Variants in PTPRD observed in about 807,000 individuals in gnomAD.
The protein encoded by PTPRD is receptor-type tyrosine-protein phosphatase delta.
PTPRD carries 34 observed loss-of-function variants against 214.5 expected under a neutral mutation model. The ratio of observed to expected loss-of-function variants is 0.16; its 90% CI spans 0.12 to 0.21. The LOEUF is 0.21. Ranked by LOEUF, PTPRD falls within the 10% of genes least tolerant of loss-of-function variation. The pLI, the probability that PTPRD is intolerant of heterozygous loss-of-function variation, is 1.00. For synonymous variants in PTPRD, 1,128 were observed against 845.7 expected (o/e 1.33, Z -5.79); for missense variants, 2,545 against 2,398.7 (o/e 1.06, Z -1.27).
intron 5 of PTPRD, among the ~76,000 whole-genome samples, chr9:9,933,419 G>T (rs558142369): frequency 1.3e-5 from 2 of 151,792 alleles, no homozygotes; most frequent in African/African-American, 4.9e-5. Context: ...AAAGGCAGGG[G>T]TTGCAATCCT....
intron 2 of PTPRD, among the ~76,000 whole-genome samples, chr9:10,596,006 C>G (rs529987598): frequency 1.6e-4 from 24 of 151,810 alleles, no homozygotes; most frequent in African/African-American, 5.3e-4. Flanking sequence ...AGCTATTTTC[C>G]TTTCAAATCG....
chr9:8,515,500 T>C (rs562299272), intron 21 of PTPRD, among the ~76,000 whole-genome samples: 1 of 152,328 alleles, frequency 6.6e-6, no homozygotes, highest in African/African-American at 2.4e-5. Flanking sequence ...ATAACCTTAT[T>C]TCAATATAGG....
intron 8 of PTPRD, among the ~76,000 whole-genome samples, chr9:9,489,122 T>C (rs2382018): frequency 0.8 from 121,128 of 152,106 alleles, 48,377 homozygotes; most frequent in African/African-American, 0.85. Flanking sequence ...CATTCATAAA[T>C]AATTGCATAT....
chr9:10,280,360 CCACACA>C lies in PTPRD; in HGVS notation c.-545+60597_-545+60602del, dbSNP rs61249776. 6.6e-4 allele frequency among the ~76,000 whole-genome samples: 95 copies of C among 144,814 alleles called. 1 individual carries two copies. The highest frequency in any genetic ancestry group is 1.9e-3 in the African/African-American group (74 of 38,736). On this transcript the variant is annotated intron_variant, in intron 3 of 45. Transcript: ENST00000381196. ...AGAAAAATATTTAAATACATAAACA[CCACACA>C]CACACACACACACACACACACACAT...
At chr9:10,074,418 A>G (rs915346303) in intron 3 of PTPRD, among the ~76,000 whole-genome samples, 3 of 152,110 alleles carry the variant, frequency 2.0e-5, no homozygotes, top group African/African-American at 7.2e-5. Flanking sequence ...TCATGCATCA[A>G]TGTACTCAGG....
At chr9:9,159,289 G>C (rs565842133) in intron 10 of PTPRD, among the ~76,000 whole-genome samples, 2 of 152,186 alleles carry the variant, frequency 1.3e-5, no homozygotes, top group Admixed American at 6.6e-5. Flanking sequence ...AGAAAAAATA[G>C]AGAAATAGCA....
At chr9:8,952,339 T>A (rs1444126411) in intron 11 of PTPRD, among the ~76,000 whole-genome samples, 1 of 151,976 alleles carries the variant, frequency 6.6e-6, no homozygotes, top group African/African-American at 2.4e-5. Flanking sequence ...TAAGTAATTG[T>A]CATCAACGTA....
chr9:8,550,007 G>GCAAC (rs1317877620), intron 14 of PTPRD, among the ~76,000 whole-genome samples: 3 of 152,090 alleles, frequency 2.0e-5, no homozygotes, highest in Non-Finnish European at 4.4e-5. Context: ...AAACATCACT[G>GCAAC]ATTAACTTGA....
At position 9,366,299 on chromosome 9, in the gene PTPRD, C is replaced by T. The variant is rs113054294; in HGVS notation, c.-203+31150G>A. 1.0e-3 allele frequency among the ~76,000 whole-genome samples: 156 copies of T among 151,562 alleles called. 1 individual carries two copies. Among genetic ancestry groups the T allele is most frequent in the African/African-American group, 3.5e-3 (147 of 41,476 alleles). On this transcript the variant is annotated intron_variant, in intron 9 of 45. Transcript: ENST00000381196. The stretch of plus-strand genomic sequence containing the variant: ...TTCTTTTTGGTGAGGATTTACGAGA[C>T]GTTTTATTTTCTCCTTTGAAAAGTA...
intron 11 of PTPRD, among the ~76,000 whole-genome samples, chr9:8,975,290 T>C (rs1179285654): frequency 2.6e-5 from 4 of 152,038 alleles, no homozygotes; most frequent in Non-Finnish European, 5.9e-5. Context: ...CTAATGATAA[T>C]TAAACAATCA....
chr9:8,766,085 C>G (rs893708749), intron 11 of PTPRD, among the ~76,000 whole-genome samples: 1 of 151,154 alleles, frequency 6.6e-6, no homozygotes, highest in Non-Finnish European at 1.5e-5. Flanking sequence ...GTGTCCATAC[C>G]AAGAGTTTCC....
intron 10 of PTPRD, among the ~76,000 whole-genome samples, chr9:9,042,653 G>C (rs2099644221): frequency 7.4e-6 from 1 of 135,908 alleles, no homozygotes; most frequent in Admixed American, 8.0e-5. Context: ...CAACATCTGA[G>C]CCTCCTTAGG....
chr9:9,102,083 G>C (rs2099792174), intron 10 of PTPRD, among the ~76,000 whole-genome samples: 1 of 152,138 alleles, frequency 6.6e-6, no homozygotes, highest in Non-Finnish European at 1.5e-5. Flanking sequence ...TAAGCATACA[G>C]ACTCTTCTTT....
chr9:9,687,487 C>T (rs4742610), intron 7 of PTPRD, among the ~76,000 whole-genome samples: 45,300 of 151,518 alleles, frequency 0.3, 7,102 homozygotes, highest in Admixed American at 0.45. Flanking sequence ...TATGTTTTCT[C>T]TAGTCCTCAG....
intron 23 of PTPRD, among the ~76,000 whole-genome samples, chr9:8,503,872 T>C (rs956273634): frequency 2.0e-5 from 3 of 152,218 alleles, no homozygotes; most frequent in Admixed American, 6.5e-5. Context: ...AATAAAGTTT[T>C]TTTTTGTCTT....
chr9:10,584,704 T>C (rs4741042), intron 2 of PTPRD, among the ~76,000 whole-genome samples: 35,869 of 152,066 alleles, frequency 0.24, 5,108 homozygotes, highest in East Asian at 0.53. Context: ...TAGAAATAAG[T>C]CGCTGAGACA....
intron 10 of PTPRD, among the ~76,000 whole-genome samples, chr9:9,126,175 G>C (rs952868382): frequency 6.6e-6 from 1 of 152,126 alleles, no homozygotes; most frequent in Non-Finnish European, 1.5e-5. Context: ...AAGCAGGAGG[G>C]GGATATAAGC....
At chr9:9,399,222 G>A (rs10977728) in intron 8 of PTPRD, among the ~76,000 whole-genome samples, 34,754 of 151,824 alleles carry the variant, frequency 0.23, 4,194 homozygotes, top group Middle Eastern at 0.3. Flanking sequence ...AAAAACTTTA[G>A]CATAAGTATT....
At chr9:9,512,124 A>G (rs1270946144) in intron 8 of PTPRD, among the ~76,000 whole-genome samples, 1 of 151,844 alleles carries the variant, frequency 6.6e-6, no homozygotes, top group Admixed American at 6.6e-5. Flanking sequence ...TAATAAGAGA[A>G]ACAGCTAAGG....
Sources: gnomAD v4.1 joint callset for allele counts (sites outside exome capture counted in the v4.1 genomes callset) on GRCh38, gnomAD v4.1.1 for gene constraint, MANE v1.5 for transcripts, NCBI Gene and HGNC (gene_info 2026-07-23, HGNC 2026-07-21) for gene names.